CFAP92: variants seen among roughly 807,000 people sequenced by gnomAD.
The protein encoded by CFAP92 is cilia and flagella associated protein 92 (putative), also known as uncharacterized protein CFAP92.
CFAP92 carries 86 observed loss-of-function variants against 106.3 expected under a neutral mutation model. The observed-to-expected ratio is 0.81, with a 90% CI of 0.68 to 0.97. The LOEUF is 0.97. Among genes scored for constraint, CFAP92 ranks in the 50% least tolerant of loss-of-function variants. CFAP92 has a pLI of 0.00. For synonymous variants in CFAP92, 477 were observed against 506.4 expected (o/e 0.94, Z 0.78); for missense variants, 1,204 against 1,283.8 (o/e 0.94, Z 0.95).
At chr3:129,022,294 G>A in the CFAP92 span, among the ~76,000 whole-genome samples, 1 of 152,342 alleles carries the variant, frequency 6.6e-6, no homozygotes, top group East Asian at 1.9e-4. Context: ...AAATGAAATA[G>A]AGGCTCAGAG....
chr3:129,003,559 TG>T (rs1336594546), upstream of CFAP92, among the ~76,000 whole-genome samples: 1 of 136,542 alleles, frequency 7.3e-6, no homozygotes, highest in Non-Finnish European at 1.6e-5. Flanking sequence ...GAAAAAACGT[TG>T]GGGGGTGGGG....
At chr3:128,961,287 T>G (rs1364148903) in intron 9 of CFAP92, among the ~76,000 whole-genome samples, 1 of 152,052 alleles carries the variant, frequency 6.6e-6, no homozygotes, top group Non-Finnish European at 1.5e-5. Flanking sequence ...CCAGGGCAAC[T>G]CCTCCCAAAT....
Position 128,915,348 on chromosome 3 carries a change from C to A in CFAP92, c.3123+9G>T. Reference sequence around the variant, plus strand: ...CACCCCACCTGAGACCCTGCTCTTCCCTGTGGACCTCATTCAGCTCTTTGA... The same window carrying A: ...CACCCCACCTGAGACCCTGCTCTTCACTGTGGACCTCATTCAGCTCTTTGA... On this transcript the variant is annotated intron_variant, in intron 14 of 15. Coordinates refer to ENST00000645291, the MANE Select transcript of CFAP92 (RefSeq NM_001394090.1). 6.5e-7 allele frequency: 1 copy of A among 1,536,138 alleles called. No individual in the cohort carries two copies. Among genetic ancestry groups the A allele is most frequent in the Non-Finnish European group, 8.7e-7 (1 of 1,146,900 alleles).
In CFAP92 at chr3:128,912,571, C is replaced by T. The variant is rs1026660526; in HGVS notation, c.3281-2238G>A. 4.3e-6 allele frequency: 7 copies of T among 1,614,046 alleles called. No homozygotes were observed. The highest frequency in any genetic ancestry group is 5.9e-6 in the Non-Finnish European group (7 of 1,180,032). On this transcript the variant is annotated intron_variant, in intron 15 of 15. Transcript: ENST00000645291. ...CCCAGCAGATCCTTGAGAAGCGAGC[C>T]TATATCTGTGCCCACCCTCTGGACA... is the stretch of plus-strand genomic sequence containing the variant.
intron 12 of CFAP92, among the ~76,000 whole-genome samples, chr3:128,922,234 CAGGG>C (rs1937350970): frequency 6.6e-6 from 1 of 151,732 alleles, no homozygotes; most frequent in Admixed American, 6.6e-5. Flanking sequence ...TCCCAGCTCT[CAGGG>C]AGGCTGAGGC....
In CFAP92 at chr3:129,001,573, T is replaced by C; in HGVS notation, n.117+1001A>G. On this transcript the variant is annotated intron_variant and non_coding_transcript_variant, in intron 1 of 4. Transcript: ENST00000510149. ...GAAACTCTGGGGCCGCCCCTGGAAG[T>C]GGCGGGGCGAAGGGACCGGAGGAGG... 3 of 1,346,298 alleles carry C rather than the reference T, an allele frequency of 2.2e-6. No homozygotes were observed. The South Asian group carries it at 5.6e-5, about 25-fold the overall frequency. 83.4% of individuals were successfully genotyped at this position (1,346,298 alleles called of 1,614,324 possible). A position where few individuals can be genotyped will look rare whatever the true frequency, so the allele number is the denominator to read the frequency against.
intron 12 of CFAP92, among the ~76,000 whole-genome samples, chr3:128,930,984 G>A (rs1028370164): frequency 2.6e-5 from 4 of 151,976 alleles, no homozygotes; most frequent in African/African-American, 9.7e-5. Context: ...TTGGCTCACT[G>A]CAACCTTACC....
In CFAP92 at chr3:128,979,812, G is replaced by A. The variant is rs563324004; in HGVS notation, c.668-1627C>T. On this transcript the variant is annotated intron_variant, in intron 4 of 15. Coordinates refer to ENST00000645291, the MANE Select transcript of CFAP92 (RefSeq NM_001394090.1). ...GGGCCTGTTGTGGGGTGGGGGGAAG[G>A]GGGACGGATAGCATTAGGAGATATA... Among the ~76,000 whole-genome samples the A allele has an allele frequency of 3.6e-3, 553 of 151,888 alleles. 1 individual carries two copies. Among genetic ancestry groups the A allele is most frequent in the African/African-American group, 0.013 (520 of 41,378 alleles).
chr3:128,924,428 GTATC>G (rs1452170625), intron 12 of CFAP92, among the ~76,000 whole-genome samples: 4 of 109,620 alleles, frequency 3.6e-5, no homozygotes, highest in South Asian at 3.4e-4. Context: ...TAGAACGATT[GTATC>G]TTTTTTTTTT....
intron 12 of CFAP92, among the ~76,000 whole-genome samples, chr3:128,919,458 C>T (rs1301035028): frequency 6.6e-6 from 1 of 151,992 alleles, no homozygotes; most frequent in Non-Finnish European, 1.5e-5. Context: ...TTGAGGACAA[C>T]AAAAAGGGAT....
At chr3:129,006,505 G>A (rs1945081540), upstream of CFAP92, among the ~76,000 whole-genome samples, 1 of 152,156 alleles carries the variant, frequency 6.6e-6, no homozygotes, top group Admixed American at 6.5e-5. Context: ...TAGTAGAGAT[G>A]GGGTTTCACC....
rs1309524709 is a variant in CFAP92, at chr3:129,001,670, C to T, written n.117+904G>A. 3 of 1,443,230 alleles carry T rather than the reference C, an allele frequency of 2.1e-6. No homozygotes were observed. The South Asian group carries it at 4.2e-5, about 20-fold the overall frequency. The allele number at this position is 1,443,230 out of a possible 1,614,324, so 89.4% of individuals were successfully genotyped here. On this transcript the variant is annotated intron_variant and non_coding_transcript_variant, in intron 1 of 4. Coordinates refer to the CFAP92 transcript ENST00000510149. ...CGGGCGCGGAGGCCGGCATGGAGGGCGCGGGAGGTGACCCGTACCGGCGAC... is the reference window on the plus strand; with the variant it reads ...CGGGCGCGGAGGCCGGCATGGAGGGTGCGGGAGGTGACCCGTACCGGCGAC...
chr3:128,985,846 A>T (rs1943820726), intron 4 of CFAP92, among the ~76,000 whole-genome samples: 2 of 152,206 alleles, frequency 1.3e-5, no homozygotes, highest in Non-Finnish European at 2.9e-5. Flanking sequence ...TTTCTCAGCC[A>T]GGGGTGATTT....
intron 12 of CFAP92, among the ~76,000 whole-genome samples, chr3:128,919,963 A>ATGAT (rs1937133455): frequency 6.6e-6 from 1 of 152,238 alleles, no homozygotes; most frequent in African/African-American, 2.4e-5. Context: ...TAAGACATCA[A>ATGAT]GAGTCTCTAT....
At chr3:128,912,623 C>A (rs752517680) in intron 15 of CFAP92, 1 of 1,604,558 alleles carries the variant, frequency 6.2e-7, no homozygotes, top group Non-Finnish European at 8.5e-7. Flanking sequence ...GGGACAGTGT[C>A]CCCTGCTACC....
At chr3:128,953,815 C>T (rs1227883011) in intron 9 of CFAP92, among the ~76,000 whole-genome samples, 6 of 122,736 alleles carry the variant, frequency 4.9e-5, no homozygotes, top group Admixed American at 7.6e-5. Flanking sequence ...CTGTGTTGGC[C>T]GGGCCGGTCT....
chr3:129,019,920 C>A, the CFAP92 span, among the ~76,000 whole-genome samples: 2 of 151,930 alleles, frequency 1.3e-5, no homozygotes, highest in African/African-American at 4.8e-5. Context: ...AGGTACCCAC[C>A]ACCACGCCCG....
rs57453990 is a variant in CFAP92 at position 128,931,527 on chromosome 3, G to GTATA, written c.2751+1169_2751+1172dup. Reference sequence around the variant, plus strand: ...TATATGTATATATATGTATGTATGTGTATATATATATATATATTACACAAG... The same window carrying GTATA: ...TATATGTATATATATGTATGTATGTGTATATATATATATATATATATTACACAAG... On this transcript the variant is annotated intron_variant, in intron 12 of 15. Transcript: ENST00000645291. Among the ~76,000 whole-genome samples the GTATA allele has an allele frequency of 2.9e-3, 343 of 117,526 alleles. 5 individuals are homozygous for GTATA. Among genetic ancestry groups the GTATA allele is most frequent in the East Asian group, 0.013 (62 of 4,926 alleles). The allele number at this position is 117,526 out of a possible 152,430, so 77.1% of individuals were successfully genotyped here.
the CFAP92 span, among the ~76,000 whole-genome samples, chr3:129,011,099 G>C: frequency 6.6e-6 from 1 of 152,164 alleles, no homozygotes; most frequent in Non-Finnish European, 1.5e-5. Context: ...CTGGGAGTGT[G>C]ACCTGCAGCA....
Sources: gnomAD v4.1 joint callset for allele counts (sites outside exome capture counted in the v4.1 genomes callset) on GRCh38, gnomAD v4.1.1 for gene constraint, MANE v1.5 for transcripts, NCBI Gene and HGNC (gene_info 2026-07-23, HGNC 2026-07-21) for gene names.